The following LRBA variants were observed in gnomAD, a reference collection of about 807,000 sequenced individuals.
LRBA encodes the protein lipopolysaccharide-responsive and beige-like anchor protein.
In LRBA, 176 loss-of-function variants were observed where a neutral mutation model predicts 330.0. The observed-to-expected ratio is 0.53, with a 90% CI of 0.47 to 0.60. LRBA has a LOEUF of 0.60. Among genes scored for constraint, LRBA ranks in the 20% least tolerant of loss-of-function variants. The probability of loss-of-function intolerance (pLI) is 0.00; values close to 1 mark genes in which losing one functional copy is unlikely to be tolerated. For missense variants in LRBA, 3,259 were observed against 3,444.8 expected (o/e 0.95, Z 1.35); for synonymous variants, 1,230 against 1,193.0 (o/e 1.03, Z -0.64).
intron 48 of LRBA, among the ~76,000 whole-genome samples, chr4:150,338,537 T>C (rs1735046307): frequency 6.6e-6 from 1 of 152,196 alleles, no homozygotes; most frequent in African/African-American, 2.4e-5. Context: ...CAACCTCCAG[T>C]GTACCCCAAG....
At chr4:150,514,544 T>C (rs1373682207) in intron 40 of LRBA, among the ~76,000 whole-genome samples, 1 of 152,224 alleles carries the variant, frequency 6.6e-6, no homozygotes, top group Non-Finnish European at 1.5e-5. Flanking sequence ...GCTCCAGCTA[T>C]GACCAGGGAT....
intron 40 of LRBA, among the ~76,000 whole-genome samples, chr4:150,509,948 C>G (rs933829112): frequency 2.0e-5 from 3 of 152,084 alleles, no homozygotes; most frequent in Non-Finnish European, 4.4e-5. Context: ...ACCAGCCTGG[C>G]CAACATGGTG....
At position 150,285,981 on chromosome 4, in the gene LRBA, A is replaced by C. The variant is rs1560963757; in HGVS notation, c.8071T>G (p.Cys2691Gly). The change falls in exon 54 of 57, where the codon TGT becomes GGT. Residue 2691 changes from cysteine to glycine, a missense_variant. Transcript: ENST00000651943. Reference sequence around the variant, plus strand: ...CCTAGCTCCGCACACACCGCAGCACATGTGACCTCATAGTCATGGCCGGTC... The same window carrying C: ...CCTAGCTCCGCACACACCGCAGCACCTGTGACCTCATAGTCATGGCCGGTC... ...ILTGHDYEVT[C>G]AAVCAELGLV... 5 of 1,598,742 alleles carry C rather than the reference A, an allele frequency of 3.1e-6. No individual in the cohort carries two copies. Among genetic ancestry groups the C allele is most frequent in the Non-Finnish European group, 3.4e-6 (4 of 1,172,684 alleles).
At chr4:150,662,785 A>G (rs908104377) in intron 37 of LRBA, among the ~76,000 whole-genome samples, 3 of 152,158 alleles carry the variant, frequency 2.0e-5, no homozygotes, top group African/African-American at 7.2e-5. Context: ...TGGGCAACAC[A>G]GCGAGATTCT....
intron 34 of LRBA, among the ~76,000 whole-genome samples, chr4:150,778,553 A>G (rs1469428730): frequency 1.3e-5 from 2 of 152,210 alleles, no homozygotes; most frequent in Non-Finnish European, 2.9e-5. Flanking sequence ...CAGGTAAAAC[A>G]TATCTCCAGA....
intron 37 of LRBA, among the ~76,000 whole-genome samples, chr4:150,630,878 T>C (rs1581863318): frequency 6.6e-6 from 1 of 152,098 alleles, no homozygotes; most frequent in African/African-American, 2.4e-5. Context: ...TCCATCATTA[T>C]GTGATTTTTG....
chr4:150,626,813 G>A (rs566715701), intron 37 of LRBA, among the ~76,000 whole-genome samples: 37 of 151,964 alleles, frequency 2.4e-4, no homozygotes, highest in Non-Finnish European at 4.1e-4. Context: ...CCTTAATTCC[G>A]TATCAAAAAC....
chr4:150,867,112 T>TA (rs202028551), intron 22 of LRBA, among the ~76,000 whole-genome samples: 9,771 of 122,694 alleles, frequency 0.08, 425 homozygotes, highest in Non-Finnish European at 0.11. Context: ...TGGCTTAATT[T>TA]AAAAAAAAAA....
chr4:150,658,529 C>G (rs531812625), intron 37 of LRBA, among the ~76,000 whole-genome samples: 12 of 30 alleles, frequency 0.4, 1 homozygote, highest in Non-Finnish European at 0.6. Context: ...CTCCCTCTCC[C>G]TCTCCCTCTC....
rs191064881 is a variant in LRBA, at chr4:150,916,610, T to C, written c.767+7A>G. Reference sequence around the variant, plus strand: ...TTTTAACACTAATCAGTTACAGAAATACATACCAATACAAATATGGTTTAT... The same window carrying C: ...TTTTAACACTAATCAGTTACAGAAACACATACCAATACAAATATGGTTTAT... On this transcript the variant is annotated splice_region_variant and intron_variant, in intron 6 of 56. Transcript: ENST00000651943. 5.1e-5 allele frequency: 81 copies of C among 1,596,156 alleles called. No individual in the cohort carries two copies. Among genetic ancestry groups the C allele is most frequent in the Non-Finnish European group, 6.6e-5 (77 of 1,171,630 alleles).
At chr4:150,607,350 T>C (rs1774751827) in intron 37 of LRBA, among the ~76,000 whole-genome samples, 1 of 151,774 alleles carries the variant, frequency 6.6e-6, no homozygotes. Context: ...ATATCTGAGG[T>C]AGAATAGATA....
At chr4:150,855,767 T>C (rs146785472) in intron 22 of LRBA, among the ~76,000 whole-genome samples, 10 of 152,226 alleles carry the variant, frequency 6.6e-5, no homozygotes, top group Non-Finnish European at 1.2e-4. Flanking sequence ...TAAAAGATAG[T>C]TTTACTATCT....
intron 5 of LRBA, among the ~76,000 whole-genome samples, chr4:150,919,481 A>T (rs1201203): frequency 0.96 from 146,124 of 152,290 alleles, 70,386 homozygotes; most frequent in Non-Finnish European, 1. Flanking sequence ...GTATTAGATA[A>T]GACATAAAAC....
intron 42 of LRBA, among the ~76,000 whole-genome samples, chr4:150,475,704 G>A (rs1756627495): frequency 6.6e-6 from 1 of 150,956 alleles, no homozygotes; most frequent in African/African-American, 2.4e-5. Flanking sequence ...AGGCCAGCCT[G>A]AGCAACATAG....
At position 150,435,688 on chromosome 4, in the gene LRBA, G is replaced by A; in HGVS notation, c.6942C>T (p.Phe2314=). 6.2e-7 allele frequency: 1 copy of A among 1,610,278 alleles called. No homozygotes were observed. Among genetic ancestry groups the A allele is most frequent in the Non-Finnish European group, 8.5e-7 (1 of 1,178,776 alleles). Residue 2314 remains phenylalanine (F), a synonymous_variant, in exon 46 of 57, where the codon TTC becomes TTT. Coordinates refer to ENST00000651943, the MANE Select transcript of LRBA (RefSeq NM_001364905.1). ...CAAATTTGCCTCCTTGCAAATTTAG[G>A]AAATAAGTTGTAAAGGGTTCCTAAA... ...LLRIEPFTTY[F]LNLQGGKFDH...
chr4:150,276,790 G>T (rs1255609686), intron 56 of LRBA, among the ~76,000 whole-genome samples: 1 of 152,206 alleles, frequency 6.6e-6, no homozygotes, highest in African/African-American at 2.4e-5. Context: ...TGCTGGAGAG[G>T]ATGTGGAGAA....
intron 36 of LRBA, among the ~76,000 whole-genome samples, chr4:150,703,335 T>C (rs1334122945): frequency 1.3e-5 from 2 of 152,202 alleles, no homozygotes; most frequent in Admixed American, 1.3e-4. Context: ...TATTAAAGAA[T>C]CTAGGATCTC....
chr4:150,678,205 C>A (rs570739123), intron 37 of LRBA, among the ~76,000 whole-genome samples: 1 of 150,348 alleles, frequency 6.7e-6, no homozygotes, highest in African/African-American at 2.5e-5. Flanking sequence ...CCTGCCACTG[C>A]ACTCCGGCCT....
At chr4:150,501,604 CA>C (rs372362348) in intron 40 of LRBA, among the ~76,000 whole-genome samples, 16 of 140,338 alleles carry the variant, frequency 1.1e-4, no homozygotes, top group East Asian at 4.1e-4. Context: ...GACCCCATCT[CA>C]AAAAAAAAAG....
Sources: allele counts gnomAD v4.1 joint callset (sites outside exome capture counted in the v4.1 genomes callset), GRCh38; gene constraint gnomAD v4.1.1; transcripts MANE v1.5; gene names NCBI Gene and HGNC (gene_info 2026-07-23, HGNC 2026-07-21).